The following DTHD1 variants were observed in gnomAD, a reference collection of about 807,000 sequenced individuals.
The protein encoded by DTHD1 is death domain containing 1.
Under a neutral mutation model 74.8 loss-of-function variants are expected in DTHD1, and 59 were observed. The observed-to-expected ratio is 0.79, with a 90% CI of 0.64 to 0.98. The LOEUF (loss-of-function observed/expected upper bound fraction) is 0.98, where lower values mean the gene tolerates loss of function less well. DTHD1 is among the 50% of genes least tolerant of loss of function. The probability of loss-of-function intolerance (pLI) is 0.00; values close to 1 mark genes in which losing one functional copy is unlikely to be tolerated. For synonymous variants in DTHD1, 365 were observed against 371.1 expected (o/e 0.98, Z 0.19); for missense variants, 1,051 against 1,065.4 (o/e 0.99, Z 0.19).
At chr4:36,343,397 A>C in intron 9 of DTHD1, 105 bp from the exon 10 acceptor site, 7 of 1,149,538 alleles carry the variant, frequency 6.1e-6, no homozygotes, top group Non-Finnish European at 7.2e-6. Flanking sequence ...CTCCAAGGCC[A>C]AACAAAAGAG....
At position 36,347,495 on chromosome 4, in the gene DTHD1, T is replaced by C. The variant is rs113888694; in HGVS notation, c.*3671T>C. 6.3e-3 allele frequency among the ~76,000 whole-genome samples: 957 copies of C among 152,272 alleles called. 9 individuals are homozygous for C. The highest frequency in any genetic ancestry group is 0.021 in the African/African-American group (892 of 41,572). ...TTCTATATTCAGGACCATTTAGCAA[T>C]TAAACTTTGAACATCATTATTCATG... is the stretch of plus-strand genomic sequence containing the variant. On this transcript the variant is annotated 3_prime_UTR_variant, in exon 10 of 10. Transcript: ENST00000639862.
At chr4:36,321,046 T>C (rs1758009400) in intron 8 of DTHD1, among the ~76,000 whole-genome samples, 1 of 152,230 alleles carries the variant, frequency 6.6e-6, no homozygotes, top group African/African-American at 2.4e-5. Context: ...ACTTCATACT[T>C]GTGAGGATCT....
chr4:36,293,509 T>C lies in DTHD1; in HGVS notation c.1219-17T>C, dbSNP rs1475018553. The C allele has an allele frequency of 9.5e-6, 14 of 1,479,748 alleles. No homozygotes were observed. Among genetic ancestry groups the C allele is most frequent in the Non-Finnish European group, 1.2e-5 (13 of 1,106,500 alleles). 91.7% of individuals were successfully genotyped at this position (1,479,748 alleles called of 1,614,324 possible). ...ATCAGTGCTATAGCTTATTTTAATG[T>C]TCTTTATTCTATACAGGGGACCTGT... is the stretch of plus-strand genomic sequence containing the variant. On this transcript the variant is annotated splice_polypyrimidine_tract_variant and intron_variant, in intron 3 of 9. Transcript: ENST00000639862.
At chr4:36,312,121 T>A (rs1757444883) in intron 7 of DTHD1, among the ~76,000 whole-genome samples, 1 of 152,096 alleles carries the variant, frequency 6.6e-6, no homozygotes, top group Non-Finnish European at 1.5e-5. Flanking sequence ...GAGTTGTCAG[T>A]TTAGCACTTG....
At chr4:36,325,080 G>C (rs1015165331) in intron 8 of DTHD1, among the ~76,000 whole-genome samples, 1 of 152,154 alleles carries the variant, frequency 6.6e-6, no homozygotes, top group Admixed American at 6.5e-5. Flanking sequence ...GGGAAGATTT[G>C]GAAATGTCAT....
At chr4:36,335,280 G>A (rs28754403) in intron 8 of DTHD1, among the ~76,000 whole-genome samples, 1,719 of 152,256 alleles carry the variant, frequency 0.011, 24 homozygotes, top group African/African-American at 0.039. Flanking sequence ...CTGGAGTGCA[G>A]TGGCATGATT....
At chr4:36,316,059 C>T (rs1323735225) in intron 7 of DTHD1, among the ~76,000 whole-genome samples, 183 bp from the exon 8 acceptor site, 1 of 152,178 alleles carries the variant, frequency 6.6e-6, no homozygotes, top group African/African-American at 2.4e-5. Flanking sequence ...TCTCAGCCTC[C>T]CGAGTAGCTG....
intron 8 of DTHD1, among the ~76,000 whole-genome samples, chr4:36,338,870 T>C (rs1000629153): frequency 6.6e-6 from 1 of 152,210 alleles, no homozygotes; most frequent in African/African-American, 2.4e-5. Flanking sequence ...CTGAGTGCTA[T>C]AATAATATTT....
At chr4:36,310,760 A>G (rs985900445) in intron 7 of DTHD1, among the ~76,000 whole-genome samples, 1 of 152,102 alleles carries the variant, frequency 6.6e-6, no homozygotes, top group African/African-American at 2.4e-5. Flanking sequence ...AAGTGTCCCA[A>G]TTTTAAGTGT....
rs1759616242 is a variant in DTHD1, at chr4:36,346,903, CTTG to C, written c.*3085_*3087del. 6.6e-6 allele frequency among the ~76,000 whole-genome samples: 1 copy of C among 152,026 alleles called. No homozygotes were observed. The highest frequency in any genetic ancestry group is 2.4e-5 in the African/African-American group (1 of 41,394). ...CAAGTCTAAGGGTGGTAATAGCTCTCTTGTTGTTTGGAGTAACTGTGTTATTCC... is the reference window on the plus strand; with the variant it reads ...CAAGTCTAAGGGTGGTAATAGCTCTCTTGTTTGGAGTAACTGTGTTATTCC... On this transcript the variant is annotated 3_prime_UTR_variant, in exon 10 of 10. Coordinates refer to ENST00000639862, the MANE Select transcript of DTHD1 (RefSeq NM_001170700.3).
intron 5 of DTHD1, among the ~76,000 whole-genome samples, chr4:36,299,481 A>G (rs1004588181): frequency 1.3e-5 from 2 of 152,160 alleles, no homozygotes; most frequent in East Asian, 1.9e-4. Context: ...GCGTCTATGT[A>G]TGATCTGTCT....
At chr4:36,333,490 G>C (rs1008409871) in intron 8 of DTHD1, 20 of 152,192 alleles carry the variant, frequency 1.3e-4, no homozygotes, top group Admixed American at 5.9e-4. Flanking sequence ...TTACCACACA[G>C]CTCACACACC....
At chr4:36,329,759 TGAG>T (rs1758562415) in intron 8 of DTHD1, among the ~76,000 whole-genome samples, 1 of 152,218 alleles carries the variant, frequency 6.6e-6, no homozygotes, top group Admixed American at 6.5e-5. Context: ...TTCTCTAATC[TGAG>T]TAGAACTCAG....
intron 5 of DTHD1, 33 bp downstream of exon 5, chr4:36,295,072 A>G: frequency 6.8e-7 from 1 of 1,470,456 alleles, no homozygotes; most frequent in South Asian, 1.4e-5. Context: ...AAACTGGCTT[A>G]ATGTCAAACA....
intron 8 of DTHD1, among the ~76,000 whole-genome samples, chr4:36,317,893 G>A (rs1275361746): frequency 6.6e-6 from 1 of 152,186 alleles, no homozygotes; most frequent in African/African-American, 2.4e-5. Context: ...TAAGTTGGTG[G>A]AAATTCAGAC....
chr4:36,327,779 T>A (rs544170718), intron 8 of DTHD1, among the ~76,000 whole-genome samples: 1 of 152,208 alleles, frequency 6.6e-6, no homozygotes, highest in Non-Finnish European at 1.5e-5. Context: ...TCCATATATA[T>A]TCCATTTATA....
intron 7 of DTHD1, among the ~76,000 whole-genome samples, chr4:36,308,893 T>C (rs1757218184): frequency 6.6e-6 from 1 of 152,192 alleles, no homozygotes; most frequent in South Asian, 2.1e-4. Context: ...ATTATACCAG[T>C]GATTACAACC....
chr4:36,335,281 T>A (rs12648310), intron 8 of DTHD1, among the ~76,000 whole-genome samples: 8,139 of 152,230 alleles, frequency 0.053, 274 homozygotes, highest in South Asian at 0.15. Flanking sequence ...TGGAGTGCAG[T>A]GGCATGATTT....
At position 36,306,215 on chromosome 4, in the gene DTHD1, A is replaced by G. The variant is rs569199264; in HGVS notation, c.1668A>G (p.Lys556=). 1.9e-5 allele frequency: 29 copies of G among 1,551,828 alleles called. No individual in the cohort carries two copies. In the African/African-American group the frequency reaches 2.5e-4, roughly 13 times the overall value. ...FNRTKIASIR[K]PRKNASECLK... is the part of the protein sequence containing the mutation. ...GGACAAAAATTGCCTCCATAAGAAA[A>G]CCTAGGAAAAATGCCAGTGAATGTT... The change falls in exon 6 of 10, where the codon AAA becomes AAG. Residue 556 remains lysine (K), a synonymous_variant. Transcript: ENST00000639862.
Sources: allele counts gnomAD v4.1 joint callset (sites outside exome capture counted in the v4.1 genomes callset), GRCh38; gene constraint gnomAD v4.1.1; transcripts MANE v1.5; gene names NCBI Gene and HGNC (gene_info 2026-07-23, HGNC 2026-07-21).